PTPN4: variants seen among roughly 807,000 people sequenced by gnomAD.
The protein encoded by PTPN4 is tyrosine-protein phosphatase non-receptor type 4.
PTPN4 carries 49 observed loss-of-function variants against 135.5 expected under a neutral mutation model. The ratio of observed to expected loss-of-function variants is 0.36; its 90% CI spans 0.29 to 0.46. PTPN4 has a LOEUF of 0.46. PTPN4 is among the 20% of genes least tolerant of loss of function. PTPN4 has a pLI of 1.00. For synonymous variants in PTPN4, 333 were observed against 369.9 expected (o/e 0.90, Z 1.14); for missense variants, 860 against 1,101.0 (o/e 0.78, Z 3.10).
chr2:119,904,379 A>G (rs1323269569), intron 10 of PTPN4, among the ~76,000 whole-genome samples: 1 of 152,162 alleles, frequency 6.6e-6, no homozygotes, highest in Non-Finnish European at 1.5e-5. Flanking sequence ...TTAAAAGGCT[A>G]AAAAAGCCTG....
At chr2:119,802,451 C>T (rs932352590) in intron 1 of PTPN4, among the ~76,000 whole-genome samples, 1 of 152,204 alleles carries the variant, frequency 6.6e-6, no homozygotes, top group East Asian at 1.9e-4. Context: ...CAAATGCTTT[C>T]CTGCATTGAT....
rs551190207 is a variant in PTPN4, at chr2:119,965,982, C to T, written c.2558+337C>T. Among the ~76,000 whole-genome samples, 23 of 152,158 alleles carry T rather than the reference C, an allele frequency of 1.5e-4. No individual in the cohort carries two copies. The South Asian group carries it at 2.9e-3, about 19-fold the overall frequency. On this transcript the variant is annotated intron_variant, in intron 25 of 26. Coordinates refer to ENST00000263708, the MANE Select transcript of PTPN4 (RefSeq NM_002830.4). ...CATTTGTGCTATGTAACAAAATATT[C>T]GAGACTGGGTAATTTAAAAGGAACA... is the stretch of plus-strand genomic sequence containing the variant.
chr2:119,932,404 T>G lies in PTPN4; in HGVS notation c.1071-20T>G. On this transcript the variant is annotated intron_variant, in intron 13 of 26. Transcript: ENST00000263708. ...TATAAAAATAAAACTTTTAACATAT[T>G]ATTTAATTTATTTCTGCAGATCCCC... 1 of 1,554,254 alleles carries G rather than the reference T, an allele frequency of 6.4e-7. No homozygotes were observed. The highest frequency in any genetic ancestry group is 8.7e-7 in the Non-Finnish European group (1 of 1,151,000).
At chr2:119,952,468 G>C (rs574652191) in intron 19 of PTPN4, among the ~76,000 whole-genome samples, 69 of 152,110 alleles carry the variant, frequency 4.5e-4, no homozygotes, top group Middle Eastern at 6.8e-3. Flanking sequence ...CTTCATTCAG[G>C]TCTCTGCTCA....
chr2:119,878,373 C>G (rs139454432), intron 5 of PTPN4, among the ~76,000 whole-genome samples: 195 of 152,200 alleles, frequency 1.3e-3, no homozygotes, highest in African/African-American at 4.6e-3. Context: ...ATGTTATACT[C>G]TCTGTAAAAT....
At chr2:119,925,686 G>A (rs1342913475) in intron 12 of PTPN4, among the ~76,000 whole-genome samples, 1 of 152,108 alleles carries the variant, frequency 6.6e-6, no homozygotes, top group Non-Finnish European at 1.5e-5. Context: ...AATAAGCAGT[G>A]GTGGAGAATA....
Position 119,948,595 on chromosome 2 carries a change from A to G in PTPN4, c.1656+2021A>G, listed in dbSNP as rs1326354152. 5.3e-5 allele frequency among the ~76,000 whole-genome samples: 8 copies of G among 152,248 alleles called. No homozygotes were observed. The East Asian group carries it at 1.5e-3, about 29-fold the overall frequency. On this transcript the variant is annotated intron_variant, in intron 18 of 26. Coordinates refer to ENST00000263708, the MANE Select transcript of PTPN4 (RefSeq NM_002830.4). The stretch of plus-strand genomic sequence containing the variant: ...ACAGTTTAAAGTGGAAAAATAATCA[A>G]ATGTGGACTAGGGAACAAAGAAATA...
intron 1 of PTPN4, among the ~76,000 whole-genome samples, chr2:119,792,409 T>C (rs1691166307): frequency 6.6e-6 from 1 of 152,180 alleles, no homozygotes; most frequent in Non-Finnish European, 1.5e-5. Flanking sequence ...AGAGGCTAAC[T>C]AGAATAAACA....
At chr2:119,766,149 T>C (rs536524552) in intron 1 of PTPN4, among the ~76,000 whole-genome samples, 6 of 152,298 alleles carry the variant, frequency 3.9e-5, no homozygotes. Flanking sequence ...CAGGATGGTT[T>C]CTTTTGGCTT....
intron 3 of PTPN4, among the ~76,000 whole-genome samples, chr2:119,874,530 G>T (rs1200165905): frequency 2.6e-5 from 4 of 152,210 alleles, no homozygotes; most frequent in African/African-American, 9.6e-5. Flanking sequence ...GCAACCTGTT[G>T]TATGATTCCA....
At chr2:119,899,192 A>T (rs185221591) in intron 9 of PTPN4, among the ~76,000 whole-genome samples, 1 of 152,178 alleles carries the variant, frequency 6.6e-6, no homozygotes, top group Non-Finnish European at 1.5e-5. Flanking sequence ...CCTACTGTCC[A>T]CAATTGCTGT....
chr2:119,780,426 C>G (rs1478915949), intron 1 of PTPN4, among the ~76,000 whole-genome samples: 2 of 152,186 alleles, frequency 1.3e-5, no homozygotes, highest in African/African-American at 4.8e-5. Flanking sequence ...ACTTTCTACC[C>G]TAACCCCCCG....
intron 24 of PTPN4, among the ~76,000 whole-genome samples, 184 bp downstream of exon 24, chr2:119,962,928 T>G (rs1679389593): frequency 6.6e-6 from 1 of 152,186 alleles, no homozygotes. Flanking sequence ...TATTATAAAA[T>G]TAATGTTTTT....
chr2:119,875,460 T>G (rs1255850499), intron 3 of PTPN4, among the ~76,000 whole-genome samples: 1 of 152,136 alleles, frequency 6.6e-6, no homozygotes, highest in Non-Finnish European at 1.5e-5. Context: ...AAATTTTGAT[T>G]GTAGACAGTC....
intron 1 of PTPN4, among the ~76,000 whole-genome samples, chr2:119,769,104 A>G (rs1380458849): frequency 6.6e-6 from 1 of 152,246 alleles, no homozygotes; most frequent in African/African-American, 2.4e-5. Context: ...GAAGAGGCAC[A>G]CTGACAGAGC....
chr2:119,883,461 G>A (rs1315453345), intron 8 of PTPN4, among the ~76,000 whole-genome samples: 5 of 152,048 alleles, frequency 3.3e-5, no homozygotes, highest in Non-Finnish European at 5.9e-5. Flanking sequence ...TTTTTTGTGT[G>A]AGTATAATTT....
At chr2:119,844,093 G>A (rs867839931) in intron 2 of PTPN4, among the ~76,000 whole-genome samples, 24 of 4,980 alleles carry the variant, frequency 4.8e-3, no homozygotes, top group South Asian at 0.028. Flanking sequence ...GCGGCTGGCC[G>A]GGCGGAGGGC....
intron 2 of PTPN4, among the ~76,000 whole-genome samples, chr2:119,856,767 A>G (rs1282186105): frequency 6.6e-6 from 1 of 152,178 alleles, no homozygotes; most frequent in Non-Finnish European, 1.5e-5. Flanking sequence ...TGTTATTCAT[A>G]CTAGGAGGAT....
intron 1 of PTPN4, among the ~76,000 whole-genome samples, chr2:119,769,375 A>C (rs2104919437): frequency 6.6e-6 from 1 of 152,314 alleles, no homozygotes; most frequent in South Asian, 2.1e-4. Flanking sequence ...AGAATTATGG[A>C]GATACTAATG....
Sources: gnomAD v4.1 joint callset for allele counts (sites outside exome capture counted in the v4.1 genomes callset) on GRCh38, gnomAD v4.1.1 for gene constraint, MANE v1.5 for transcripts, NCBI Gene and HGNC (gene_info 2026-07-23, HGNC 2026-07-21) for gene names.